Variants in CBFB observed in about 807,000 individuals in gnomAD.
CBFB encodes CBF-beta.
In CBFB, 9 loss-of-function variants were observed where a neutral mutation model predicts 30.4. That is an observed-to-expected ratio of 0.30 (90% confidence interval 0.18 to 0.52). The LOEUF (loss-of-function observed/expected upper bound fraction) is 0.52. Among genes scored for constraint, CBFB ranks in the 20% least tolerant of loss-of-function variants. CBFB has a pLI of 0.97. For synonymous variants in CBFB, 94 were observed against 84.0 expected (o/e 1.12, Z -0.65); for missense variants, 170 against 244.0 (o/e 0.70, Z 2.02).
At chr16:67,094,539 A>G (rs1339095939) in intron 5 of CBFB, among the ~76,000 whole-genome samples, 1 of 152,174 alleles carries the variant, frequency 6.6e-6, no homozygotes, top group African/African-American at 2.4e-5. Flanking sequence ...TTTGAAAATT[A>G]TTTTTGCCCC....
chr16:67,057,588 T>G (rs767250998), intron 3 of CBFB, among the ~76,000 whole-genome samples: 9 of 152,228 alleles, frequency 5.9e-5, no homozygotes, highest in Non-Finnish European at 1.2e-4. Flanking sequence ...CTGATACATG[T>G]TATTGAAATG....
chr16:67,030,199 AGAAGGTAGAT>A (rs1466335702), intron 2 of CBFB: 1 of 182,580 alleles, frequency 5.5e-6, no homozygotes, highest in Non-Finnish European at 1.1e-5. Flanking sequence ...TTTGTTTCTT[AGAAGGTAGAT>A]CTGTCGGTAA....
intron 4 of CBFB, among the ~76,000 whole-genome samples, chr16:67,073,156 G>C (rs111850666): frequency 6.6e-5 from 10 of 152,284 alleles, no homozygotes; most frequent in African/African-American, 2.4e-4. Context: ...AACAAATGCT[G>C]AAGTATCTGG....
At chr16:67,063,696 G>T (rs920452393) in intron 3 of CBFB, among the ~76,000 whole-genome samples, 4 of 152,066 alleles carry the variant, frequency 2.6e-5, no homozygotes, top group Admixed American at 1.3e-4. Flanking sequence ...CCTCCTAAGG[G>T]GCTAGGATTA....
chr16:67,065,071 T>A (rs1327634915), intron 3 of CBFB, among the ~76,000 whole-genome samples: 1 of 152,096 alleles, frequency 6.6e-6, no homozygotes, highest in Non-Finnish European at 1.5e-5. Context: ...CTAATTTTTG[T>A]TATGTTCAGT....
At chr16:67,072,718 A>G (rs1332365197) in intron 4 of CBFB, among the ~76,000 whole-genome samples, 3 of 151,714 alleles carry the variant, frequency 2.0e-5, no homozygotes, top group African/African-American at 7.3e-5. Flanking sequence ...TGCCCGCCTC[A>G]GCCTCCCAAA....
intron 3 of CBFB, among the ~76,000 whole-genome samples, chr16:67,047,079 A>G (rs1229483762): frequency 1.3e-5 from 2 of 152,022 alleles, no homozygotes; most frequent in Non-Finnish European, 2.9e-5. Flanking sequence ...TAGGAGGCCA[A>G]GGCAGGCAGA....
Position 67,100,573 on chromosome 16 carries a change from CCT to C in CBFB, c.*1796_*1797del. On this transcript the variant is annotated 3_prime_UTR_variant, in exon 6 of 6. Transcript: ENST00000412916. ...CTGAGGGAATCGCTTTTTAAGTGATCCTTACAGTGGTGTTTTATGTTACTTTA... is the reference window on the plus strand; with the variant it reads ...CTGAGGGAATCGCTTTTTAAGTGATCTACAGTGGTGTTTTATGTTACTTTA... 4.4e-6 allele frequency: 1 copy of C among 226,728 alleles called. No individual in the cohort carries two copies. Among genetic ancestry groups the C allele is most frequent in the Non-Finnish European group, 8.8e-6 (1 of 113,696 alleles). The allele number at this position is 226,728 out of a possible 1,614,324, so 14.0% of individuals were successfully genotyped here. A position where few individuals can be genotyped will look rare whatever the true frequency, so the allele number is the denominator to read the frequency against.
intron 3 of CBFB, among the ~76,000 whole-genome samples, chr16:67,052,379 G>C (rs112287758): frequency 0.031 from 4,650 of 152,174 alleles, 83 homozygotes; most frequent in South Asian, 0.037. Flanking sequence ...AGACCAGCCT[G>C]GTCAACATAG....
intron 4 of CBFB, among the ~76,000 whole-genome samples, chr16:67,076,826 T>C (rs535299758): frequency 2.0e-5 from 3 of 152,364 alleles, no homozygotes; most frequent in South Asian, 2.1e-4. Flanking sequence ...GTCATTGTTA[T>C]TGTAGGAACT....
chr16:67,096,701 G>A (rs917298803), intron 5 of CBFB, among the ~76,000 whole-genome samples: 3 of 151,736 alleles, frequency 2.0e-5, no homozygotes, highest in Admixed American at 6.6e-5. Flanking sequence ...TGGGCCGGGC[G>A]CGGTGGCTCA....
intron 3 of CBFB, among the ~76,000 whole-genome samples, chr16:67,045,056 A>G (rs951851924): frequency 6.6e-6 from 1 of 152,216 alleles, no homozygotes; most frequent in African/African-American, 2.4e-5. Context: ...TACTCTAATA[A>G]TAACGGAATC....
intron 3 of CBFB, among the ~76,000 whole-genome samples, chr16:67,051,919 A>ACG (rs935273276): frequency 6.6e-5 from 9 of 137,018 alleles, no homozygotes; most frequent in Non-Finnish European, 3.2e-5. Flanking sequence ...GTATACACAC[A>ACG]CACACACACA....
chr16:67,067,812 G>A (rs1488500558), intron 4 of CBFB, among the ~76,000 whole-genome samples: 3 of 152,204 alleles, frequency 2.0e-5, no homozygotes, highest in Admixed American at 2.0e-4. Flanking sequence ...GTCTGGCAAA[G>A]CTAGTGTTGC....
chr16:67,038,312 G>C (rs1269241111), intron 3 of CBFB, among the ~76,000 whole-genome samples: 1 of 149,502 alleles, frequency 6.7e-6, no homozygotes, highest in African/African-American at 2.4e-5. Flanking sequence ...GTATATATGT[G>C]TATATATACG....
chr16:67,041,319 T>C (rs1175435881), intron 3 of CBFB, among the ~76,000 whole-genome samples: 1 of 152,088 alleles, frequency 6.6e-6, no homozygotes, highest in Non-Finnish European at 1.5e-5. Context: ...TAATAGGTTA[T>C]AGGGGGCAAA....
chr16:67,083,844 A>G (rs766820595), intron 5 of CBFB, among the ~76,000 whole-genome samples: 10 of 152,122 alleles, frequency 6.6e-5, no homozygotes, highest in Non-Finnish European at 1.5e-4. Flanking sequence ...AGTATATACA[A>G]ATTGTTCAGA....
intron 4 of CBFB, among the ~76,000 whole-genome samples, chr16:67,076,144 C>G (rs1298447076): frequency 1.3e-5 from 2 of 152,098 alleles, no homozygotes; most frequent in Non-Finnish European, 2.9e-5. Context: ...GCAGGAGAAT[C>G]GCTTGGACCC....
At chr16:67,083,650 C>T (rs1961633781) in intron 5 of CBFB, among the ~76,000 whole-genome samples, 1 of 152,076 alleles carries the variant, frequency 6.6e-6, no homozygotes, top group African/African-American at 2.4e-5. Context: ...TTAGTTTTAG[C>T]ACCCATTGAA....
Sources: allele counts gnomAD v4.1 joint callset (sites outside exome capture counted in the v4.1 genomes callset), GRCh38; gene constraint gnomAD v4.1.1; transcripts MANE v1.5; gene names NCBI Gene and HGNC (gene_info 2026-07-23, HGNC 2026-07-21).